Variants in IQSEC3 observed in about 807,000 individuals in gnomAD.
IQSEC3 encodes IQ motif and Sec7 domain ArfGEF 3, also known as IQ motif and SEC7 domain-containing protein 3.
Under a neutral mutation model 105.4 loss-of-function variants are expected in IQSEC3, and 50 were observed. The ratio of observed to expected loss-of-function variants is 0.47; its 90% CI spans 0.38 to 0.60. The LOEUF (loss-of-function observed/expected upper bound fraction) is 0.60. IQSEC3 is among the 20% of genes least tolerant of loss of function. The pLI is 0.00. For synonymous variants in IQSEC3, 708 were observed against 746.0 expected (o/e 0.95, Z 0.83); for missense variants, 1,415 against 1,630.0 (o/e 0.87, Z 2.27).
At position 174,614 on chromosome 12, in the gene IQSEC3, A is replaced by G; in HGVS notation, c.3130A>G (p.Arg1044Gly). Residue 1044 changes from arginine (R) to glycine (G), a missense_variant, in exon 14 of 14, where the codon AGG becomes GGG. Arg to Gly is a moderately radical substitution (Grantham distance 125). Around this residue, in one of 6 missense-constraint regions of IQSEC3, gnomAD observed 419 missense variants for 436.2 expected, o/e 0.96. Transcript: ENST00000538872. ...TCTAAACTAGGTGTCAATTCACAACAGGCTTCAAACGTCCCAGCACAACTC... is the reference window on the plus strand; with the variant it reads ...TCTAAACTAGGTGTCAATTCACAACGGGCTTCAAACGTCCCAGCACAACTC... ...ESTVEVSIHN[R>G]LQTSQHNSGL... 6.5e-7 allele frequency: 1 copy of G among 1,544,864 alleles called. No homozygotes were observed. Among genetic ancestry groups the G allele is most frequent in the Non-Finnish European group, 8.7e-7 (1 of 1,153,732 alleles).
chr12:91,355 T>G (rs1864078804), intron 1 of IQSEC3, among the ~76,000 whole-genome samples: 1 of 152,184 alleles, frequency 6.6e-6, no homozygotes, highest in Non-Finnish European at 1.5e-5. Context: ...TGTAATCCTG[T>G]GAGCCTGGCT....
chr12:168,769 C>T (rs1391914471), intron 11 of IQSEC3, among the ~76,000 whole-genome samples: 13 of 152,160 alleles, frequency 8.5e-5, no homozygotes, highest in African/African-American at 3.1e-4. Context: ...TCGGCCTCTT[C>T]TGTGCCTCTC....
intron 1 of IQSEC3, among the ~76,000 whole-genome samples, chr12:80,658 A>AG (rs1774222367): frequency 6.6e-6 from 1 of 152,174 alleles, no homozygotes; most frequent in African/African-American, 2.4e-5. Context: ...GTGAACAAAA[A>AG]AACTCCCAAA....
At chr12:124,604 G>T (rs1555082665) in intron 2 of IQSEC3, among the ~76,000 whole-genome samples, 1 of 152,098 alleles carries the variant, frequency 6.6e-6, no homozygotes, top group Non-Finnish European at 1.5e-5. Flanking sequence ...TGAATTTGAG[G>T]CCATGGTGTT....
intron 3 of IQSEC3, among the ~76,000 whole-genome samples, chr12:133,690 G>A (rs1178550559): frequency 1.3e-5 from 2 of 151,034 alleles, no homozygotes; most frequent in Non-Finnish European, 2.9e-5. Context: ...CTAGGGCAGG[G>A]TTGGGTCAGT....
rs1446208230 is a variant in IQSEC3 at position 138,787 on chromosome 12, C to A, written c.1424C>A (p.Pro475Gln). 3 of 1,601,986 alleles carry A rather than the reference C, an allele frequency of 1.9e-6. No individual in the cohort carries two copies. In the East Asian group the frequency reaches 6.7e-5, roughly 36 times the overall value. Residue 475 changes from proline (P) to glutamine (Q), a missense_variant, in exon 4 of 14, where the codon CCG becomes CAG. Pro to Gln is a moderately conservative substitution (Grantham distance 76). This residue lies in a region of IQSEC3 where 720 missense variants were observed against 633.0 expected (regional missense o/e 1.14). Coordinates refer to ENST00000538872, the MANE Select transcript of IQSEC3 (RefSeq NM_001170738.2). This position sits in a 1 kb window ranked among gnomAD's most constrained non-coding sequence, Gnocchi z 7.1. ...DDAAETPGLPPAHSGTLMMAF... is the reference protein window; with the variant it reads ...DDAAETPGLPQAHSGTLMMAF... Reference sequence around the variant, plus strand: ...GCCGCGGAGACCCCCGGCCTGCCCCCGGCCCACAGCGGGACCCTCATGATG... The same window carrying A: ...GCCGCGGAGACCCCCGGCCTGCCCCAGGCCCACAGCGGGACCCTCATGATG...
rs372407162 is a variant in IQSEC3, at chr12:91,544, GTGGA to G, written c.555-7596_555-7593del. Among the ~76,000 whole-genome samples the G allele has an allele frequency of 1.3e-3, 197 of 152,302 alleles. 1 individual carries two copies. Among genetic ancestry groups the G allele is most frequent in the African/African-American group, 4.6e-3 (192 of 41,552 alleles). Reference sequence around the variant, plus strand: ...AATCCCAGCACTTTGGGAGGCCAAGGTGGATGGATCACTGGAGCCGAGGAGTTCG... The same window carrying G: ...AATCCCAGCACTTTGGGAGGCCAAGGTGGATCACTGGAGCCGAGGAGTTCG... On this transcript the variant is annotated intron_variant, in intron 1 of 13. Transcript: ENST00000538872.
In IQSEC3 at chr12:138,387, C is replaced by A. The variant is rs1555087123; in HGVS notation, c.1024C>A (p.Leu342Ile). The A allele has an allele frequency of 6.2e-7, 1 of 1,611,438 alleles. No individual in the cohort carries two copies. The change falls in exon 4 of 14, where the codon CTT (leucine) becomes ATT (isoleucine). Residue 342 changes from leucine to isoleucine, a missense_variant. Coordinates refer to ENST00000538872, the MANE Select transcript of IQSEC3 (RefSeq NM_001170738.2). The surrounding 1 kb of genome is among the most constrained non-coding windows in gnomAD (Gnocchi z 7.1). ...SKNFEKIRNS[L>I]LESRLPRRIS... ...GAACTTCGAGAAAATCCGCAACTCG[C>A]TTCTGGAGAGCCGCCTGCCACGGCG...
rs373302900 is a variant in IQSEC3, at chr12:174,744, C to G, written c.3260C>G (p.Pro1087Arg). 1.3e-6 allele frequency: 2 copies of G among 1,592,396 alleles called. No homozygotes were observed. The highest frequency in any genetic ancestry group is 8.5e-7 in the Non-Finnish European group (1 of 1,177,712). ...PPLPPPPPTP[P>R]GTLVQCQQIV... is the part of the protein sequence containing the mutation. Reference sequence around the variant, plus strand: ...CTGCCGCCGCCGCCACCCACGCCCCCGGGCACCCTGGTGCAGTGCCAGCAA... The same window carrying G: ...CTGCCGCCGCCGCCACCCACGCCCCGGGGCACCCTGGTGCAGTGCCAGCAA... Residue 1087 changes from proline (P) to arginine (R), a missense_variant, in exon 14 of 14, where the codon CCG becomes CGG. Coordinates refer to ENST00000538872, the MANE Select transcript of IQSEC3 (RefSeq NM_001170738.2).
In IQSEC3 at chr12:81,134, T is replaced by A. The variant is rs938544068; in HGVS notation, c.554+13698T>A. Among the ~76,000 whole-genome samples, 4 of 152,158 alleles carry A rather than the reference T, an allele frequency of 2.6e-5. No individual in the cohort carries two copies. The South Asian group carries it at 8.3e-4, about 32-fold the overall frequency. On this transcript the variant is annotated intron_variant, in intron 1 of 13. Coordinates refer to ENST00000538872, the MANE Select transcript of IQSEC3 (RefSeq NM_001170738.2). ...GTCACAAATGCTGATGGGGCTTGGA[T>A]GAGGAAGGTTGTTGTTCTGTGGCAT...
intron 2 of IQSEC3, among the ~76,000 whole-genome samples, 185 bp downstream of exon 2, chr12:99,399 G>A (rs782724690): frequency 2.6e-5 from 4 of 152,142 alleles, no homozygotes; most frequent in Non-Finnish European, 5.9e-5. Context: ...CAAATGAGCC[G>A]TTCCCAACTT....
chr12:94,490 G>A (rs1864185633), intron 1 of IQSEC3, among the ~76,000 whole-genome samples: 1 of 152,246 alleles, frequency 6.6e-6, no homozygotes, highest in African/African-American at 2.4e-5. Flanking sequence ...GGCCTAGGCT[G>A]AGGAGACCCA....
At chr12:123,753 T>C (rs543353968) in intron 2 of IQSEC3, among the ~76,000 whole-genome samples, 5 of 152,298 alleles carry the variant, frequency 3.3e-5, no homozygotes, top group African/African-American at 1.2e-4. Context: ...TGGTGTCATT[T>C]GGCCCATCTT....
chr12:130,909 A>G (rs2136980022), intron 3 of IQSEC3, among the ~76,000 whole-genome samples: 1 of 151,568 alleles, frequency 6.6e-6, no homozygotes, highest in East Asian at 2.0e-4. Context: ...GGCTCACAAC[A>G]TGCTGTGCTT....
chr12:138,236 C>A lies in IQSEC3; in HGVS notation c.904-31C>A. 6.4e-7 allele frequency: 1 copy of A among 1,569,880 alleles called. No individual in the cohort carries two copies. Among genetic ancestry groups the A allele is most frequent in the Non-Finnish European group, 8.7e-7 (1 of 1,150,498 alleles). ...GGGCTGACCACCCTTCCCCTCTGAG[C>A]CCTTCCTCCTCTCTGTCCTCGTCCT... On this transcript the variant is annotated intron_variant, in intron 3 of 13. Coordinates refer to ENST00000538872, the MANE Select transcript of IQSEC3 (RefSeq NM_001170738.2). This position sits in a 1 kb window ranked among gnomAD's most constrained non-coding sequence, Gnocchi z 7.1.
intron 1 of IQSEC3, among the ~76,000 whole-genome samples, chr12:81,677 G>A (rs1342185918): frequency 1.3e-5 from 2 of 152,152 alleles, no homozygotes; most frequent in Admixed American, 6.5e-5. Context: ...GAGAGGAGAT[G>A]TGCAGTAGGC....
intron 1 of IQSEC3, among the ~76,000 whole-genome samples, chr12:86,392 C>G (rs1238552415): frequency 6.6e-6 from 1 of 152,124 alleles, no homozygotes; most frequent in Non-Finnish European, 1.5e-5. Flanking sequence ...GGTATGGGTA[C>G]AGGCTTTGCT....
intron 2 of IQSEC3, among the ~76,000 whole-genome samples, chr12:107,373 CAGG>C (rs1864689402): frequency 6.6e-6 from 1 of 150,610 alleles, no homozygotes; most frequent in Non-Finnish European, 1.5e-5. Context: ...GGCCTTAACC[CAGG>C]AGGTTTCCCT....
At chr12:171,403 C>T (rs16932134) in intron 13 of IQSEC3, 48,081 of 1,341,066 alleles carry the variant, frequency 0.036, 1,105 homozygotes, top group African/African-American at 0.097. Context: ...CCTCCGAGGC[C>T]GAGCTCCCAG....
Sources: allele counts gnomAD v4.1 joint callset (sites outside exome capture counted in the v4.1 genomes callset), GRCh38; gene constraint gnomAD v4.1.1; regional missense constraint gnomAD v4.1.1; non-coding constraint Gnocchi (gnomAD v3.1); transcripts MANE v1.5; gene names NCBI Gene and HGNC (gene_info 2026-07-23, HGNC 2026-07-21).